The following ZNF579 variants were observed in gnomAD, a reference collection of about 807,000 sequenced individuals.
ZNF579 encodes zinc finger protein 579.
In ZNF579, 3 loss-of-function variants were observed where a neutral mutation model predicts 5.7. The observed-to-expected ratio is 0.53, with a 90% confidence interval of 0.24 to 1.36. The LOEUF (loss-of-function observed/expected upper bound fraction) is 1.36, where lower values mean the gene tolerates loss of function less well. ZNF579 is among the 40% of genes most tolerant of loss of function. The probability of loss-of-function intolerance (pLI) is 0.16; values close to 1 mark genes in which losing one functional copy is unlikely to be tolerated. For synonymous variants in ZNF579, 454 were observed against 409.0 expected (o/e 1.11, Z -1.33); for missense variants, 679 against 877.6 (o/e 0.77, Z 2.86).
In ZNF579 at chr19:55,579,000, C is replaced by CCGG; in HGVS notation, c.639_640insCCG (p.Ala213_Ala214insPro). Reference sequence around the variant, plus strand: ...ACCTGTTTCTCCTCCTGCCGCCCGGCCGCCAGCGCCAGCTCGGCCCTCAGC... The same window carrying CCGG: ...ACCTGTTTCTCCTCCTGCCGCCCGGCCGGCGCCAGCGCCAGCTCGGCCCTCAGC... On this transcript the variant is annotated inframe_insertion, in exon 2 of 2. Coordinates refer to ENST00000325421, the MANE Select transcript of ZNF579 (RefSeq NM_152600.3). 6.5e-7 allele frequency: 1 copy of CCGG among 1,532,298 alleles called. No homozygotes were observed. The highest frequency in any genetic ancestry group is 8.7e-7 in the Non-Finnish European group (1 of 1,144,962). The allele number at this position is 1,532,298 out of a possible 1,614,324, so 94.9% of individuals were successfully genotyped here.
At chr19:55,580,106 C>G (rs1243835117) in intron 1 of ZNF579, 1 of 155,192 alleles carries the variant, frequency 6.4e-6, no homozygotes. Context: ...GGTTGGGGGC[C>G]GGAGAGACAG....
At position 55,578,536 on chromosome 19, in the gene ZNF579, G is replaced by A. The variant is rs764683062; in HGVS notation, c.1104C>T (p.Asn368=). ...GCCGAGCCGGGGCGGCGTCGCCTCC[G>A]TTCTGCCCTTCTCCCCCTTCCGAGG... is the stretch of plus-strand genomic sequence containing the variant. The part of the protein sequence containing the change: ...GGASEGGEGQ[N]GGDAAPARPP... Residue 368 remains asparagine, a synonymous_variant, in exon 2 of 2, where the codon AAC becomes AAT. Coordinates refer to ENST00000325421, the MANE Select transcript of ZNF579 (RefSeq NM_152600.3). The A allele has an allele frequency of 7.3e-7, 1 of 1,363,268 alleles. No individual in the cohort carries two copies. The highest frequency in any genetic ancestry group is 9.3e-7 in the Non-Finnish European group (1 of 1,079,758). The allele number at this position is 1,363,268 out of a possible 1,614,324, so 84.4% of individuals were successfully genotyped here.
In ZNF579 at chr19:55,579,303, C is replaced by T. The variant is rs1400726302; in HGVS notation, c.337G>A (p.Ala113Thr). 9.3e-6 allele frequency: 14 copies of T among 1,504,574 alleles called. No homozygotes were observed. In the East Asian group the frequency reaches 3.5e-4, roughly 38 times the overall value. 93.2% of individuals were successfully genotyped at this position (1,504,574 alleles called of 1,614,324 possible). The change falls in exon 2 of 2, where the codon GCC becomes ACC. Residue 113 changes from alanine to threonine, a missense_variant. Ala to Thr is a moderately conservative substitution (Grantham distance 58). Coordinates refer to ENST00000325421, the MANE Select transcript of ZNF579 (RefSeq NM_152600.3). The part of the protein sequence containing the change: ...AACPRTFPEP[A>T]QLRRHLAQEH... ...TGAGCCAGGTGGCGCCTGAGCTGGG[C>T]CGGTTCTGGGAAGGTGCGGGGGCAG...
In ZNF579 at chr19:55,578,553, C is replaced by T; in HGVS notation, c.1087G>A (p.Gly363Arg). 7.0e-7 allele frequency: 1 copy of T among 1,432,976 alleles called. No individual in the cohort carries two copies. The highest frequency in any genetic ancestry group is 9.1e-7 in the Non-Finnish European group (1 of 1,102,120). 88.8% of individuals were successfully genotyped at this position (1,432,976 alleles called of 1,614,324 possible). Reference sequence around the variant, plus strand: ...TCGCCTCCGTTCTGCCCTTCTCCCCCTTCCGAGGCACCCCCGCACTCCGCC... The same window carrying T: ...TCGCCTCCGTTCTGCCCTTCTCCCCTTTCCGAGGCACCCCCGCACTCCGCC... ...EGAECGGASEGGEGQNGGDAA... is the reference protein window; with the variant it reads ...EGAECGGASERGEGQNGGDAA... Residue 363 changes from glycine (G) to arginine (R), a missense_variant, in exon 2 of 2, where the codon GGG becomes AGG. By Grantham distance (125) the Gly-to-Arg change is moderately radical. Coordinates refer to ENST00000325421, the MANE Select transcript of ZNF579 (RefSeq NM_152600.3).
chr19:55,578,513 C>G lies in ZNF579; in HGVS notation c.1127G>C (p.Arg376Pro). The G allele has an allele frequency of 7.1e-7, 1 of 1,408,720 alleles. No homozygotes were observed. The highest frequency in any genetic ancestry group is 9.1e-7 in the Non-Finnish European group (1 of 1,093,450). The allele number at this position is 1,408,720 out of a possible 1,614,324, so 87.3% of individuals were successfully genotyped here. Residue 376 changes from arginine to proline, a missense_variant, in exon 2 of 2, where the codon CGG becomes CCG. Arg to Pro is a moderately radical substitution (Grantham distance 103, BLOSUM62 -2). Around this residue, in one of 6 missense-constraint regions of ZNF579, gnomAD observed 114 missense variants for 98.9 expected, o/e 1.15. Transcript: ENST00000325421. ...GQNGGDAAPA[R>P]PPAGEPRFWC... is the part of the protein sequence containing the mutation. ...GAAGCGGGGCTCCCCGGCGGGGGGCCGAGCCGGGGCGGCGTCGCCTCCGTT... is the reference window on the plus strand; with the variant it reads ...GAAGCGGGGCTCCCCGGCGGGGGGCGGAGCCGGGGCGGCGTCGCCTCCGTT...
At chr19:55,579,916 GGACA>G (rs1239424943) in intron 1 of ZNF579, 7 of 365,258 alleles carry the variant, frequency 1.9e-5, no homozygotes, top group East Asian at 4.2e-5. Flanking sequence ...AAGTGGGGAT[GGACA>G]GACAGAGACC....
chr19:55,577,668 G>GGTGGCGGCGACGTCGGGGCCTGGGCC lies in ZNF579; in HGVS notation c.*282_*283insGGCCCAGGCCCCGACGTCGCCGCCAC. 1 of 503,046 alleles carries GGTGGCGGCGACGTCGGGGCCTGGGCC rather than the reference G, an allele frequency of 2.0e-6. No individual in the cohort carries two copies. Among genetic ancestry groups the GGTGGCGGCGACGTCGGGGCCTGGGCC allele is most frequent in the Non-Finnish European group, 3.5e-6 (1 of 284,808 alleles). The allele number at this position is 503,046 out of a possible 1,614,324, so 31.2% of individuals were successfully genotyped here. ...AAACGGGGGACAGGGAGGCGGGGGC[G>GGTGGCGGCGACGTCGGGGCCTGGGCC]TCCCCACCAGTCTCCATCCCTCTGG... On this transcript the variant is annotated 3_prime_UTR_variant, in exon 2 of 2. Transcript: ENST00000325421.
In ZNF579 at chr19:55,578,632, G is replaced by C; in HGVS notation, c.1008C>G (p.Asp336Glu). Residue 336 changes from aspartate to glutamate, a missense_variant, in exon 2 of 2, where the codon GAC (aspartate) becomes GAG (glutamate). This residue lies in a region of ZNF579 where 114 missense variants were observed against 98.9 expected (regional missense o/e 1.15). Coordinates refer to ENST00000325421, the MANE Select transcript of ZNF579 (RefSeq NM_152600.3). ...AGTTCCGTGCACCCGAGGCCTTGTC[G>C]TCCTTCTTGCCCGCCGCGGGCAGCG... ...LAPLPAAGKKDDKASGARNSA... is the reference protein window; with the variant it reads ...LAPLPAAGKKEDKASGARNSA... 6.5e-7 allele frequency: 1 copy of C among 1,527,022 alleles called. No individual in the cohort carries two copies. Among genetic ancestry groups the C allele is most frequent in the African/African-American group, 1.4e-5 (1 of 70,298 alleles). 94.6% of individuals were successfully genotyped at this position (1,527,022 alleles called of 1,614,324 possible).
In ZNF579 at chr19:55,577,966, C is replaced by T. The variant is rs748495797; in HGVS notation, c.1674G>A (p.Gly558=). 3 of 1,593,640 alleles carry T rather than the reference C, an allele frequency of 1.9e-6. No homozygotes were observed. Among genetic ancestry groups the T allele is most frequent in the Middle Eastern group, 1.7e-4 (1 of 5,926 alleles). The stretch of plus-strand genomic sequence containing the variant: ...GCGGCGAAGGTCAGGAGGCCAGGCC[C>T]CCCAGCCCGCGCAGGTGAGCCTTGC... The part of the protein sequence containing the change: ...VDSKAHLRGL[G]GLAS Residue 558 remains glycine, a synonymous_variant, in exon 2 of 2, where the codon GGG becomes GGA. Coordinates refer to ENST00000325421, the MANE Select transcript of ZNF579 (RefSeq NM_152600.3).
rs1376946905 is a variant in ZNF579, at chr19:55,576,897, T to C, written c.*1054A>G. 6.6e-6 allele frequency: 1 copy of C among 152,166 alleles called. No homozygotes were observed. Among genetic ancestry groups the C allele is most frequent in the East Asian group, 1.9e-4 (1 of 5,198 alleles). 9.4% of individuals were successfully genotyped at this position (152,166 alleles called of 1,614,324 possible). A position where few individuals can be genotyped will look rare whatever the true frequency, so the allele number is the denominator to read the frequency against. Reference sequence around the variant, plus strand: ...TATTGGACAGTGAAGATGTAGAATATCCCATCATCACAAAAAGTTCTCCCA... The same window carrying C: ...TATTGGACAGTGAAGATGTAGAATACCCCATCATCACAAAAAGTTCTCCCA... On this transcript the variant is annotated 3_prime_UTR_variant, in exon 2 of 2. Transcript: ENST00000325421.
In ZNF579 at chr19:55,577,950, G is replaced by A. The variant is rs1238050013; in HGVS notation, c.*1C>T. On this transcript the variant is annotated 3_prime_UTR_variant, in exon 2 of 2. Coordinates refer to ENST00000325421, the MANE Select transcript of ZNF579 (RefSeq NM_152600.3). ...AGCGGCGGAGGGCAGGGCGGCGAAGGTCAGGAGGCCAGGCCCCCCAGCCCG... is the reference window on the plus strand; with the variant it reads ...AGCGGCGGAGGGCAGGGCGGCGAAGATCAGGAGGCCAGGCCCCCCAGCCCG... The A allele has an allele frequency of 6.3e-7, 1 of 1,587,128 alleles. No homozygotes were observed. Among genetic ancestry groups the A allele is most frequent in the Non-Finnish European group, 8.6e-7 (1 of 1,167,230 alleles).
At position 55,578,315 on chromosome 19, in the gene ZNF579, G is replaced by T. The variant is rs914472936; in HGVS notation, c.1325C>A (p.Pro442Gln). 3.9e-5 allele frequency: 51 copies of T among 1,304,022 alleles called. No individual in the cohort carries two copies. The highest frequency in any genetic ancestry group is 4.9e-5 in the Non-Finnish European group (50 of 1,030,682). 80.8% of individuals were successfully genotyped at this position (1,304,022 alleles called of 1,614,324 possible). The change falls in exon 2 of 2, where the codon CCG becomes CAG. Residue 442 changes from proline (P) to glutamine (Q), a missense_variant. This residue lies in a region of ZNF579 where 68 missense variants were observed against 154.2 expected (regional missense o/e 0.44). Coordinates refer to ENST00000325421, the MANE Select transcript of ZNF579 (RefSeq NM_152600.3). ...QVHAGGPAPH[P>Q]CPRCPRRFSR... ...GAAGCGGCGCGGGCAGCGGGGGCAC[G>T]GGTGCGGGGCTGGGCCCCCCGCGTG... is the stretch of plus-strand genomic sequence containing the variant.
intron 1 of ZNF579, among the ~76,000 whole-genome samples, 155 bp downstream of exon 1, chr19:55,580,640 G>A (rs1256352889): frequency 1.3e-5 from 2 of 151,884 alleles, no homozygotes; most frequent in African/African-American, 2.4e-5. Flanking sequence ...TGGGGGTCGG[G>A]GGTCCCAGGT....
chr19:55,578,848 C>A lies in ZNF579; in HGVS notation c.792G>T (p.Pro264=). 1.3e-6 allele frequency: 2 copies of A among 1,599,198 alleles called. No homozygotes were observed. The highest frequency in any genetic ancestry group is 1.7e-6 in the Non-Finnish European group (2 of 1,172,260). The part of the protein sequence containing the change: ...EGEQEGEGGP[P]PRPKRHQCSI... Reference sequence around the variant, plus strand: ...AGCACTGGTGTCGCTTGGGGCGTGGCGGGGGCCCCCCTTCCCCTTCCTGTT... The same window carrying A: ...AGCACTGGTGTCGCTTGGGGCGTGGAGGGGGCCCCCCTTCCCCTTCCTGTT... The change falls in exon 2 of 2, where the codon CCG becomes CCT. Residue 264 remains proline (P), a synonymous_variant. Coordinates refer to ENST00000325421, the MANE Select transcript of ZNF579 (RefSeq NM_152600.3).
At chr19:55,580,733 C>G (rs1568510343) in intron 1 of ZNF579, 62 bp downstream of exon 1, 1 of 152,486 alleles carries the variant, frequency 6.6e-6, no homozygotes, top group Non-Finnish European at 1.5e-5. Flanking sequence ...GGGTCGAGGC[C>G]TTGAGGATTT....
In ZNF579 at chr19:55,579,164, G is replaced by A. The variant is rs775808966; in HGVS notation, c.476C>T (p.Ala159Val). ...GACCGCCTCCTCCTCCGTGGCCCCT[G>A]CTGCAGCGGTGGTGGGCGGCTCCGA... is the stretch of plus-strand genomic sequence containing the variant. Reference protein sequence around the residue: ...EGSEPPTTAAAGATEEEAVAA... With the variant: ...EGSEPPTTAAVGATEEEAVAA... The change falls in exon 2 of 2, where the codon GCA becomes GTA. Residue 159 changes from alanine to valine, a missense_variant. Coordinates refer to ENST00000325421, the MANE Select transcript of ZNF579 (RefSeq NM_152600.3). The A allele has an allele frequency of 1.3e-6, 2 of 1,525,324 alleles. No individual in the cohort carries two copies. The highest frequency in any genetic ancestry group is 1.4e-5 in the African/African-American group (1 of 71,750). The allele number at this position is 1,525,324 out of a possible 1,614,324, so 94.5% of individuals were successfully genotyped here.
In ZNF579 at chr19:55,577,965, C is replaced by T. The variant is rs774821805; in HGVS notation, c.1675G>A (p.Gly559Ser). 1.9e-6 allele frequency: 3 copies of T among 1,593,278 alleles called. No homozygotes were observed. The highest frequency in any genetic ancestry group is 2.6e-6 in the Non-Finnish European group (3 of 1,170,238). Residue 559 changes from glycine (G) to serine (S), a missense_variant, in exon 2 of 2, where the codon GGC (glycine) becomes AGC (serine). Gly to Ser is a moderately conservative substitution (Grantham distance 56). This residue lies in a region of ZNF579 where 116 missense variants were observed against 121.9 expected (regional missense o/e 0.95). Transcript: ENST00000325421. Reference sequence around the variant, plus strand: ...GGCGGCGAAGGTCAGGAGGCCAGGCCCCCCAGCCCGCGCAGGTGAGCCTTG... The same window carrying T: ...GGCGGCGAAGGTCAGGAGGCCAGGCTCCCCAGCCCGCGCAGGTGAGCCTTG... ...DSKAHLRGLG[G>S]LAS
rs780103934 is a variant in ZNF579 at position 55,577,946 on chromosome 19, G to T, written c.*5C>A. 2 of 1,583,722 alleles carry T rather than the reference G, an allele frequency of 1.3e-6. No homozygotes were observed. The highest frequency in any genetic ancestry group is 1.1e-5 in the South Asian group (1 of 86,972). On this transcript the variant is annotated 3_prime_UTR_variant, in exon 2 of 2. Transcript: ENST00000325421. ...GCGGAGCGGCGGAGGGCAGGGCGGC[G>T]AAGGTCAGGAGGCCAGGCCCCCCAG...
chr19:55,579,437 C>A lies in ZNF579; in HGVS notation c.203G>T (p.Gly68Val). ...YLSRHRLSHS[G>V]LRPHACPLCP... ...CAGCGGGCAGGCGTGGGGCCGGAGC[C>A]CCGAGTGGCTCAGCCGGTGCCGGGA... is the stretch of plus-strand genomic sequence containing the variant. The change falls in exon 2 of 2, where the codon GGG becomes GTG. Residue 68 changes from glycine (G) to valine (V), a missense_variant. Gly to Val is a moderately radical substitution (Grantham distance 109). Transcript: ENST00000325421. 1 of 1,337,252 alleles carries A rather than the reference C, an allele frequency of 7.5e-7. No individual in the cohort carries two copies. The highest frequency in any genetic ancestry group is 9.6e-7 in the Non-Finnish European group (1 of 1,041,892). The allele number at this position is 1,337,252 out of a possible 1,614,324, so 82.8% of individuals were successfully genotyped here. A position where few individuals can be genotyped will look rare whatever the true frequency, so the allele number is the denominator to read the frequency against.
Sources: gnomAD v4.1 joint callset for allele counts (sites outside exome capture counted in the v4.1 genomes callset) on GRCh38, gnomAD v4.1.1 for gene constraint, gnomAD v4.1.1 regional missense constraint, MANE v1.5 for transcripts, NCBI Gene and HGNC (gene_info 2026-07-23, HGNC 2026-07-21) for gene names.